SEMA5A: variants seen among roughly 807,000 people sequenced by gnomAD.
SEMA5A encodes semaphorin 5A, also known as semaphorin-5A.
A neutral mutation model predicts 135.5 loss-of-function variants in SEMA5A; 55 were observed. That is an observed-to-expected ratio of 0.41 (90% CI 0.33 to 0.51). The LOEUF (loss-of-function observed/expected upper bound fraction) is 0.51, where lower values mean the gene tolerates loss of function less well. Among genes scored for constraint, SEMA5A ranks in the 20% least tolerant of loss-of-function variants. SEMA5A has a pLI of 0.37. For synonymous variants in SEMA5A, 580 were observed against 546.5 expected (o/e 1.06, Z -0.85); for missense variants, 1,290 against 1,419.9 (o/e 0.91, Z 1.47).
intron 2 of SEMA5A, among the ~76,000 whole-genome samples, chr5:9,432,874 A>G (rs1757905201): frequency 6.6e-6 from 1 of 152,236 alleles, no homozygotes; most frequent in Admixed American, 6.5e-5. Flanking sequence ...GGATTTAATC[A>G]TGGTTAATAT....
intron 14 of SEMA5A, 126 bp downstream of exon 14, chr5:9,122,530 G>C (rs1560937232): frequency 2.1e-6 from 2 of 935,688 alleles, no homozygotes; most frequent in Non-Finnish European, 2.9e-6. Context: ...TTTAAATGGT[G>C]AATGTCCCTG....
intron 1 of SEMA5A, among the ~76,000 whole-genome samples, chr5:9,521,753 G>A (rs780069850): frequency 1.3e-5 from 2 of 152,180 alleles, no homozygotes; most frequent in Non-Finnish European, 2.9e-5. Flanking sequence ...AGTGCCTCAA[G>A]TCCTCAGAGA....
intron 3 of SEMA5A, among the ~76,000 whole-genome samples, chr5:9,375,212 C>A (rs1037767902): frequency 6.6e-6 from 1 of 152,114 alleles, no homozygotes; most frequent in Admixed American, 6.5e-5. Flanking sequence ...TGTGTCCTCC[C>A]AAAAGATATA....
chr5:9,424,301 A>T (rs1375061862), intron 2 of SEMA5A, among the ~76,000 whole-genome samples: 1 of 152,218 alleles, frequency 6.6e-6, no homozygotes, highest in Non-Finnish European at 1.5e-5. Flanking sequence ...TGCTACTAAG[A>T]TGTTGAATGA....
intron 1 of SEMA5A, among the ~76,000 whole-genome samples, chr5:9,506,429 T>G (rs368253603): frequency 6.6e-6 from 1 of 152,220 alleles, no homozygotes; most frequent in African/African-American, 2.4e-5. Flanking sequence ...CATTTTGGGC[T>G]GCAAGTAACT....
At chr5:9,502,904 C>T (rs1004610436) in intron 1 of SEMA5A, among the ~76,000 whole-genome samples, 3 of 152,180 alleles carry the variant, frequency 2.0e-5, no homozygotes, top group Admixed American at 6.5e-5. Context: ...AGATTTTGTT[C>T]CATTCTTTGA....
At chr5:9,114,398 T>A (rs974410097) in intron 15 of SEMA5A, among the ~76,000 whole-genome samples, 1 of 152,244 alleles carries the variant, frequency 6.6e-6, no homozygotes, top group Non-Finnish European at 1.5e-5. Context: ...TATACAATAA[T>A]GTGAATGTCA....
At chr5:9,225,181 T>C (rs575468553) in intron 7 of SEMA5A, among the ~76,000 whole-genome samples, 1 of 152,220 alleles carries the variant, frequency 6.6e-6, no homozygotes, top group South Asian at 2.1e-4. Flanking sequence ...TGATTTATAA[T>C]GCACAAGTAT....
chr5:9,150,263 C>T (rs1192971450), intron 12 of SEMA5A, among the ~76,000 whole-genome samples: 1 of 152,178 alleles, frequency 6.6e-6, no homozygotes, highest in Non-Finnish European at 1.5e-5. Context: ...CTGGGCCTTC[C>T]CAGATCCCCA....
intron 16 of SEMA5A, 144 bp downstream of exon 16, chr5:9,107,996 G>T: frequency 9.8e-7 from 1 of 1,016,252 alleles, no homozygotes; most frequent in Non-Finnish European, 1.4e-6. Flanking sequence ...TGTTTGCAGT[G>T]TACCAAATTT....
chr5:9,498,968 A>T (rs183995276), intron 1 of SEMA5A, among the ~76,000 whole-genome samples: 43 of 152,362 alleles, frequency 2.8e-4, no homozygotes, highest in Admixed American at 1.2e-3. Flanking sequence ...GCAAGCTATA[A>T]GGAACGTAAT....
intron 4 of SEMA5A, among the ~76,000 whole-genome samples, chr5:9,326,951 C>T (rs971115608): frequency 3.9e-5 from 6 of 152,120 alleles, no homozygotes; most frequent in Admixed American, 2.0e-4. Flanking sequence ...AATTCACCAG[C>T]ATGTCTATAA....
Position 9,066,501 on chromosome 5 carries a change from G to A in SEMA5A, c.2219C>T (p.Pro740Leu), listed in dbSNP as rs199817743. Reference protein sequence around the residue: ...RYTCKARLADPNLLEVGRQRI... With the variant: ...RYTCKARLADLNLLEVGRQRI... Reference sequence around the variant, plus strand: ...CTGTCTTCCCACTTCCAGCAAATTCGGATCAGCCAGGCGGGCTTTGCATGT... The same window carrying A: ...CTGTCTTCCCACTTCCAGCAAATTCAGATCAGCCAGGCGGGCTTTGCATGT... Residue 740 changes from proline (P) to leucine (L), a missense_variant, in exon 17 of 23, where the codon CCG becomes CTG. Pro to Leu is a moderately conservative substitution (Grantham distance 98). Transcript: ENST00000382496. 6 of 1,614,000 alleles carry A rather than the reference G, an allele frequency of 3.7e-6. No individual in the cohort carries two copies. Among genetic ancestry groups the A allele is most frequent in the African/African-American group, 2.7e-5 (2 of 74,872 alleles).
In SEMA5A at chr5:9,073,283, A is replaced by G. The variant is rs544099722; in HGVS notation, c.2074-6637T>C. On this transcript the variant is annotated intron_variant, in intron 16 of 22. Transcript: ENST00000382496. ...CTCATGATCAAGTGGCTTTCATGTC[A>G]TCAATGAAAGACTGGGTTATCATTT... Among the ~76,000 whole-genome samples, 8 of 152,348 alleles carry G rather than the reference A, an allele frequency of 5.3e-5. No homozygotes were observed. The East Asian group carries it at 1.3e-3, about 26-fold the overall frequency.
intron 1 of SEMA5A, chr5:9,522,920 T>C (rs1736915671): frequency 6.6e-6 from 1 of 152,132 alleles, no homozygotes; most frequent in Non-Finnish European, 1.5e-5. Context: ...TATTAAACAG[T>C]TTCTCTAGGG....
At chr5:9,268,074 A>G (rs910522412) in intron 5 of SEMA5A, among the ~76,000 whole-genome samples, 7 of 152,142 alleles carry the variant, frequency 4.6e-5, no homozygotes, top group African/African-American at 7.2e-5. Flanking sequence ...TGCCTTCTGA[A>G]ACACCTATAG....
chr5:9,506,121 G>A (rs1253224730), intron 1 of SEMA5A, among the ~76,000 whole-genome samples: 1 of 152,154 alleles, frequency 6.6e-6, no homozygotes. Flanking sequence ...CTTCTTTTTA[G>A]AATCATTAGA....
chr5:9,296,920 A>G lies in SEMA5A; in HGVS notation c.270+21452T>C, dbSNP rs868825829. Among the ~76,000 whole-genome samples the G allele has an allele frequency of 4.9e-4, 69 of 140,084 alleles. No individual in the cohort carries two copies. The Middle Eastern group carries it at 0.015, about 30-fold the overall frequency. The allele number at this position is 140,084 out of a possible 152,430, so 91.9% of individuals were successfully genotyped here. A position where few individuals can be genotyped will look rare whatever the true frequency, so the allele number is the denominator to read the frequency against. On this transcript the variant is annotated intron_variant, in intron 5 of 22. Transcript: ENST00000382496. ...GTGATCTCAAAAAAAAAAAAAAAAA[A>G]AGATATAAAAACATTTCCTTAGGGA...
intron 2 of SEMA5A, among the ~76,000 whole-genome samples, chr5:9,390,271 G>A (rs1321530657): frequency 1.3e-5 from 2 of 152,242 alleles, no homozygotes; most frequent in Non-Finnish European, 1.5e-5. Context: ...AAAAAAGGGG[G>A]GTCCCCTGGG....
Sources: allele counts gnomAD v4.1 joint callset (sites outside exome capture counted in the v4.1 genomes callset), GRCh38; gene constraint gnomAD v4.1.1; transcripts MANE v1.5; gene names NCBI Gene and HGNC (gene_info 2026-07-23, HGNC 2026-07-21).